The following APBB2 variants were observed in gnomAD, a reference collection of about 807,000 sequenced individuals.
APBB2 encodes the protein amyloid beta precursor protein binding family B member 2, also known as Fe65-like 1.
APBB2 carries 38 observed loss-of-function variants against 82.5 expected under a neutral mutation model. The observed-to-expected ratio is 0.46, with a 90% confidence interval of 0.36 to 0.60. The LOEUF (loss-of-function observed/expected upper bound fraction) is 0.60, where lower values mean the gene tolerates loss of function less well. Ranked by LOEUF, APBB2 falls within the 20% of genes least tolerant of loss-of-function variation. APBB2 has a pLI of 0.00. For missense variants in APBB2, 772 were observed against 972.3 expected (o/e 0.79, Z 2.74); for synonymous variants, 341 against 368.2 (o/e 0.93, Z 0.85).
At chr4:40,942,738 A>G (rs910735501) in intron 7 of APBB2, among the ~76,000 whole-genome samples, 7 of 152,140 alleles carry the variant, frequency 4.6e-5, no homozygotes, top group African/African-American at 1.7e-4. Context: ...AGCAAGGGGT[A>G]CGATGCAGGC....
Position 40,912,389 on chromosome 4 carries a change from C to T in APBB2, c.1255-18978G>A, listed in dbSNP as rs542073183. On this transcript the variant is annotated intron_variant, in intron 10 of 17. Transcript: ENST00000508593. The stretch of plus-strand genomic sequence containing the variant: ...GTCAGGAGTTCGAGACCAGCCTGGC[C>T]AACATGGTGTAACTCCGTCTCTACT... Among the ~76,000 whole-genome samples, 9 of 152,276 alleles carry T rather than the reference C, an allele frequency of 5.9e-5. No homozygotes were observed. In the East Asian group the frequency reaches 1.7e-3, roughly 29 times the overall value.
At chr4:41,055,115 C>T (rs1168941139) in intron 4 of APBB2, among the ~76,000 whole-genome samples, 6 of 152,218 alleles carry the variant, frequency 3.9e-5, no homozygotes, top group Non-Finnish European at 7.3e-5. Context: ...ATTCCTTAAA[C>T]AGTCCATACC....
chr4:41,077,698 T>C (rs1290433416), intron 3 of APBB2, among the ~76,000 whole-genome samples: 4 of 152,184 alleles, frequency 2.6e-5, no homozygotes, highest in Non-Finnish European at 1.5e-5. Flanking sequence ...AAAAATTCCA[T>C]CTACACATGC....
In APBB2 at chr4:40,977,836, C is replaced by A. The variant is rs544733205; in HGVS notation, c.836-32763G>T. The stretch of plus-strand genomic sequence containing the variant: ...GAGACATTGCTGTCACCTCAAAGAG[C>A]CTTAGTTCTAATGGAGATAAAACAA... On this transcript the variant is annotated intron_variant, in intron 6 of 17. Coordinates refer to ENST00000508593, the MANE Select transcript of APBB2 (RefSeq NM_004307.2). Among the ~76,000 whole-genome samples, 7 of 152,230 alleles carry A rather than the reference C, an allele frequency of 4.6e-5. 1 individual carries two copies. In the South Asian group the frequency reaches 1.5e-3, roughly 32 times the overall value.
intron 1 of APBB2, among the ~76,000 whole-genome samples, chr4:41,203,351 CT>C (rs1226755602): frequency 4.6e-5 from 7 of 152,112 alleles, no homozygotes; most frequent in African/African-American, 1.7e-4. Flanking sequence ...GCAGAACTTC[CT>C]TTATTTTTCT....
At chr4:40,971,535 A>T (rs992911324) in intron 6 of APBB2, among the ~76,000 whole-genome samples, 4 of 152,106 alleles carry the variant, frequency 2.6e-5, no homozygotes, top group African/African-American at 9.7e-5. Flanking sequence ...ATTCTCTTTA[A>T]ATTTTCCCAT....
chr4:40,977,403 C>T (rs1160529941), intron 6 of APBB2, among the ~76,000 whole-genome samples: 1 of 151,362 alleles, frequency 6.6e-6, no homozygotes. Context: ...ATCTCCAACT[C>T]CCAGGTTCAA....
Position 41,197,783 on chromosome 4 carries a change from T to C in APBB2, c.-417+16622A>G. On this transcript the variant is annotated intron_variant, in intron 1 of 17. Transcript: ENST00000508593. The stretch of plus-strand genomic sequence containing the variant: ...CTTCTTTCTACCCCCATATTCTTTG[T>C]TCATATGCTATTTCACTAACATGTA... Among the ~76,000 whole-genome samples the C allele has an allele frequency of 2.2e-3, 339 of 152,338 alleles. 1 individual carries two copies. Among genetic ancestry groups the C allele is most frequent in the Admixed American group, 4.1e-3 (62 of 15,306 alleles).
In APBB2 at chr4:40,876,292, TACC is replaced by T. The variant is rs1383757485; in HGVS notation, c.1529+14069_1529+14071del. ...TGACAATATGTACCTGTGAAACTAT[TACC>T]ACCATCAACATAATGAGTATATCTG... On this transcript the variant is annotated intron_variant, in intron 12 of 17. Transcript: ENST00000508593. Among the ~76,000 whole-genome samples the T allele has an allele frequency of 5.3e-5, 8 of 152,354 alleles. No individual in the cohort carries two copies. The East Asian group carries it at 1.5e-3, about 29-fold the overall frequency.
chr4:40,861,537 G>C (rs1030213420), intron 12 of APBB2, among the ~76,000 whole-genome samples: 4 of 152,142 alleles, frequency 2.6e-5, no homozygotes, highest in Middle Eastern at 3.4e-3. Context: ...TAAAATAAAT[G>C]AATAAATGAA....
chr4:41,151,213 T>C (rs1160537220), intron 1 of APBB2, among the ~76,000 whole-genome samples: 1 of 152,206 alleles, frequency 6.6e-6, no homozygotes, highest in Non-Finnish European at 1.5e-5. Context: ...TAATGGTGGC[T>C]CTTACAAAGA....
At chr4:41,050,080 TCCCCCTCTGCGAGAAACA>T (rs1249558407) in intron 4 of APBB2, among the ~76,000 whole-genome samples, 1 of 148,286 alleles carries the variant, frequency 6.7e-6, no homozygotes, top group Non-Finnish European at 1.5e-5. Flanking sequence ...CCCTGCCAAA[TCCCCCTCTGCGAGAAACA>T]CCCAAGAATG....
intron 1 of APBB2, among the ~76,000 whole-genome samples, chr4:41,208,545 A>G (rs11934323): frequency 0.08 from 12,149 of 151,996 alleles, 690 homozygotes; most frequent in Non-Finnish European, 0.12. Flanking sequence ...TACAGGCATG[A>G]GCCACTGCTC....
chr4:41,166,565 G>C (rs1287235270), intron 1 of APBB2, among the ~76,000 whole-genome samples: 1 of 144,724 alleles, frequency 6.9e-6, no homozygotes, highest in African/African-American at 2.6e-5. Flanking sequence ...TCAACAGAGC[G>C]AGACTGTCAA....
At position 40,815,780 on chromosome 4, in the gene APBB2, A is replaced by C; in HGVS notation, c.*312T>G. 3.6e-6 allele frequency: 1 copy of C among 280,260 alleles called. No homozygotes were observed. The highest frequency in any genetic ancestry group is 6.9e-6 in the Non-Finnish European group (1 of 145,620). The allele number at this position is 280,260 out of a possible 1,614,324, so 17.4% of individuals were successfully genotyped here. On this transcript the variant is annotated 3_prime_UTR_variant, in exon 18 of 18. Coordinates refer to ENST00000508593, the MANE Select transcript of APBB2 (RefSeq NM_004307.2). ...TCCAAGGACGCAGCGTTAGTTCACT[A>C]GGAGGGGTGGGGCCACACTCTTCTC... is the stretch of plus-strand genomic sequence containing the variant.
At chr4:41,005,486 G>A (rs747755441) in intron 6 of APBB2, among the ~76,000 whole-genome samples, 1 of 151,980 alleles carries the variant, frequency 6.6e-6, no homozygotes, top group Non-Finnish European at 1.5e-5. Flanking sequence ...GAAAATTTCT[G>A]AAAGTGTCCA....
intron 4 of APBB2, among the ~76,000 whole-genome samples, chr4:41,039,851 AT>A (rs1720670723): frequency 6.7e-6 from 1 of 150,334 alleles, no homozygotes; most frequent in Non-Finnish European, 1.5e-5. Context: ...AAAAAAAAAA[AT>A]ACTCACTGCT....
At chr4:41,059,652 T>C (rs1223269021) in intron 4 of APBB2, among the ~76,000 whole-genome samples, 8 of 152,274 alleles carry the variant, frequency 5.3e-5, no homozygotes, top group Admixed American at 5.2e-4. Flanking sequence ...GCCCAACCTA[T>C]TTCTTTAATT....
intron 6 of APBB2, among the ~76,000 whole-genome samples, chr4:40,998,928 G>A (rs1366087325): frequency 6.6e-6 from 1 of 152,110 alleles, no homozygotes; most frequent in Non-Finnish European, 1.5e-5. Context: ...GATGAAGCAG[G>A]ATGGCACAAG....
Sources: allele counts gnomAD v4.1 joint callset (sites outside exome capture counted in the v4.1 genomes callset), GRCh38; gene constraint gnomAD v4.1.1; transcripts MANE v1.5; gene names NCBI Gene and HGNC (gene_info 2026-07-23, HGNC 2026-07-21).